Variants in B3GLCT observed in about 807,000 individuals in gnomAD.
B3GLCT encodes the protein beta-1,3-glucosyltransferase.
B3GLCT carries 65 observed loss-of-function variants against 63.4 expected under a neutral mutation model. The observed-to-expected ratio is 1.03, with a 90% confidence interval of 0.84 to 1.26. The LOEUF is 1.26. B3GLCT is among the 50% of genes most tolerant of loss of function. The pLI is 0.00. For synonymous variants in B3GLCT, 233 were observed against 219.2 expected (o/e 1.06, Z -0.55); for missense variants, 577 against 604.8 (o/e 0.95, Z 0.48).
In B3GLCT at chr13:31,320,115, G is replaced by A. The variant is rs548872852; in HGVS notation, c.1184+2430G>A. On this transcript the variant is annotated intron_variant, in intron 13 of 14. Coordinates refer to ENST00000343307, the MANE Select transcript of B3GLCT (RefSeq NM_194318.4). ...TTGGTCTTAAACTCCACTCCATGCT[G>A]TTGTCCACACTGTAGTCAAAGGGAC... Among the ~76,000 whole-genome samples, 5 of 152,286 alleles carry A rather than the reference G, an allele frequency of 3.3e-5. No individual in the cohort carries two copies. The South Asian group carries it at 1.0e-3, about 32-fold the overall frequency.
intron 12 of B3GLCT, among the ~76,000 whole-genome samples, chr13:31,311,025 G>A (rs1403052195): frequency 6.6e-6 from 1 of 152,248 alleles, no homozygotes; most frequent in South Asian, 2.1e-4. Flanking sequence ...CCGGCCAGAG[G>A]TGCAGCTGGC....
intron 10 of B3GLCT, among the ~76,000 whole-genome samples, chr13:31,277,973 C>T (rs1335237348): frequency 6.6e-6 from 1 of 152,062 alleles, no homozygotes; most frequent in Non-Finnish European, 1.5e-5. Context: ...TATCCTTTTA[C>T]TTTTTTCATA....
chr13:31,251,976 G>T (rs889745351), intron 6 of B3GLCT, among the ~76,000 whole-genome samples: 1 of 152,126 alleles, frequency 6.6e-6, no homozygotes, highest in Non-Finnish European at 1.5e-5. Flanking sequence ...GGGAAAGTCC[G>T]GTTACCCACA....
chr13:31,213,606 A>ACCCCC (rs1491279106), intron 1 of B3GLCT, among the ~76,000 whole-genome samples: 4 of 34,706 alleles, frequency 1.2e-4, no homozygotes, highest in Admixed American at 3.9e-4. Flanking sequence ...AAACAAAACA[A>ACCCCC]CACCCCCCCA....
intron 6 of B3GLCT, among the ~76,000 whole-genome samples, chr13:31,253,847 G>T (rs936240727): frequency 3.3e-5 from 5 of 151,994 alleles, no homozygotes; most frequent in Admixed American, 3.3e-4. Flanking sequence ...AAATGATAAA[G>T]GGGATATCAC....
intron 6 of B3GLCT, among the ~76,000 whole-genome samples, chr13:31,257,537 A>G (rs1043230916): frequency 3.3e-5 from 5 of 152,034 alleles, no homozygotes; most frequent in African/African-American, 1.2e-4. Flanking sequence ...TGTTAGATGT[A>G]AAAGTTAACA....
At position 31,330,172 on chromosome 13, in the gene B3GLCT, C is replaced by G. The variant is rs564029453; in HGVS notation, c.*504C>G. On this transcript the variant is annotated 3_prime_UTR_variant, in exon 15 of 15. Coordinates refer to ENST00000343307, the MANE Select transcript of B3GLCT (RefSeq NM_194318.4). ...GATGATGAAAATTATTTCCTGGGAA[C>G]TCAGTAGGAATAATACCGTATTAAG... 9 of 176,534 alleles carry G rather than the reference C, an allele frequency of 5.1e-5. No homozygotes were observed. The highest frequency in any genetic ancestry group is 1.6e-4 in the Admixed American group (3 of 18,324). 10.9% of individuals were successfully genotyped at this position (176,534 alleles called of 1,614,324 possible).
At chr13:31,297,623 A>G (rs1874023188) in intron 12 of B3GLCT, among the ~76,000 whole-genome samples, 1 of 152,042 alleles carries the variant, frequency 6.6e-6, no homozygotes, top group Non-Finnish European at 1.5e-5. Flanking sequence ...ATTCAATTTT[A>G]ACACTGTCTA....
intron 13 of B3GLCT, among the ~76,000 whole-genome samples, chr13:31,318,182 G>A (rs890220550): frequency 5.3e-5 from 8 of 152,120 alleles, no homozygotes; most frequent in African/African-American, 1.7e-4. Flanking sequence ...AATCTCATAC[G>A]AAGAAAGATT....
chr13:31,238,539 G>C (rs1426035808), intron 4 of B3GLCT, among the ~76,000 whole-genome samples: 1 of 152,242 alleles, frequency 6.6e-6, no homozygotes, highest in Non-Finnish European at 1.5e-5. Context: ...CAAAGGATTA[G>C]AAAGGAATTT....
At chr13:31,206,911 A>C (rs904500079) in intron 1 of B3GLCT, among the ~76,000 whole-genome samples, 1 of 152,220 alleles carries the variant, frequency 6.6e-6, no homozygotes, top group African/African-American at 2.4e-5. Flanking sequence ...CTCAGGCTCC[A>C]GGATCATTTG....
At chr13:31,323,679 CG>C in intron 13 of B3GLCT, 71 bp from the exon 14 acceptor site, 5 of 1,571,494 alleles carry the variant, frequency 3.2e-6, no homozygotes, top group Non-Finnish European at 4.4e-6. Flanking sequence ...TCCTGTTTCC[CG>C]GGGCCCATTT....
intron 6 of B3GLCT, among the ~76,000 whole-genome samples, chr13:31,253,444 T>A (rs1000777639): frequency 6.6e-6 from 1 of 151,020 alleles, no homozygotes; most frequent in African/African-American, 2.4e-5. Context: ...GCAAAAAAAA[T>A]TAGCTGGGCG....
At chr13:31,248,021 AT>A in intron 6 of B3GLCT, 55 bp downstream of exon 6, 2 of 991,418 alleles carry the variant, frequency 2.0e-6, no homozygotes, top group Middle Eastern at 2.1e-4. Context: ...TTCAAAGGAG[AT>A]TTAATTTTGA....
chr13:31,325,331 C>A (rs1875553440), intron 14 of B3GLCT, among the ~76,000 whole-genome samples: 5 of 152,186 alleles, frequency 3.3e-5, no homozygotes, highest in Admixed American at 3.3e-4. Context: ...AAGCGTTATT[C>A]TCTGCGGTTC....
At chr13:31,272,007 T>G (rs1167224162) in intron 8 of B3GLCT, among the ~76,000 whole-genome samples, 1 of 152,120 alleles carries the variant, frequency 6.6e-6, no homozygotes, top group Admixed American at 6.5e-5. Context: ...CTCATAATCG[T>G]TTTTTGTCTT....
At chr13:31,231,283 A>C (rs1870368575) in intron 4 of B3GLCT, among the ~76,000 whole-genome samples, 1 of 152,140 alleles carries the variant, frequency 6.6e-6, no homozygotes, top group South Asian at 2.1e-4. Flanking sequence ...CAGTTACCCC[A>C]AATTTTGTGA....
chr13:31,227,297 G>C (rs1221741380), intron 3 of B3GLCT, among the ~76,000 whole-genome samples: 1 of 151,902 alleles, frequency 6.6e-6, no homozygotes, highest in Non-Finnish European at 1.5e-5. Flanking sequence ...GAATTTCTGG[G>C]TCATTGGGAA....
chr13:31,292,723 G>C lies in B3GLCT; in HGVS notation c.1064+5904G>C, dbSNP rs1340962489. Reference sequence around the variant, plus strand: ...TCTTTTTTTTTTCTTTATTAGTCTAGCTAGCAGTCAATTTTGTTAATCTTT... The same window carrying C: ...TCTTTTTTTTTTCTTTATTAGTCTACCTAGCAGTCAATTTTGTTAATCTTT... On this transcript the variant is annotated intron_variant, in intron 12 of 14. Transcript: ENST00000343307. Among the ~76,000 whole-genome samples the C allele has an allele frequency of 2.7e-5, 4 of 148,146 alleles. No homozygotes were observed. The South Asian group carries it at 6.4e-4, about 24-fold the overall frequency.
Sources: allele counts gnomAD v4.1 joint callset (sites outside exome capture counted in the v4.1 genomes callset), GRCh38; gene constraint gnomAD v4.1.1; transcripts MANE v1.5; gene names NCBI Gene and HGNC (gene_info 2026-07-23, HGNC 2026-07-21).